The following CELA3B variants were observed in gnomAD, a reference collection of about 807,000 sequenced individuals.
CELA3B encodes chymotrypsin like elastase 3B, also known as chymotrypsin-like elastase family member 3B.
CELA3B carries 34 observed loss-of-function variants against 37.2 expected under a neutral mutation model. The observed-to-expected ratio is 0.91, with a 90% confidence interval of 0.70 to 1.22. The LOEUF (loss-of-function observed/expected upper bound fraction) is 1.22, where lower values mean the gene tolerates loss of function less well. CELA3B is among the 50% of genes most tolerant of loss of function. The pLI, the probability that CELA3B is intolerant of heterozygous loss-of-function variation, is 0.00. For synonymous variants in CELA3B, 127 were observed against 143.5 expected (o/e 0.89, Z 0.82); for missense variants, 340 against 363.1 (o/e 0.94, Z 0.52).
chr1:21,988,501 G>C (rs1644852142), intron 7 of CELA3B, among the ~76,000 whole-genome samples: 1 of 149,378 alleles, frequency 6.7e-6, no homozygotes, highest in African/African-American at 2.5e-5. Flanking sequence ...TGAGGTAGAA[G>C]AATTGCTTGA....
At chr1:21,985,436 C>T (rs1471965847) in intron 6 of CELA3B, among the ~76,000 whole-genome samples, 1 of 152,044 alleles carries the variant, frequency 6.6e-6, no homozygotes, top group Admixed American at 6.6e-5. Context: ...TGCCACAATG[C>T]CTAGCTAATT....
chr1:21,997,119 G>A (rs982096412), intron 4 of CELA3B, among the ~76,000 whole-genome samples: 1 of 150,982 alleles, frequency 6.6e-6, no homozygotes, highest in Non-Finnish European at 1.5e-5. Flanking sequence ...TGGCATTTTG[G>A]GAGGCTGAGG....
chr1:21,994,757 T>C (rs1248485685), intron 4 of CELA3B, among the ~76,000 whole-genome samples: 1 of 150,936 alleles, frequency 6.6e-6, no homozygotes, highest in Non-Finnish European at 1.5e-5. Context: ...CCCAGCACTT[T>C]GGTAGGCCGA....
chr1:21,994,492 C>A lies in CELA3B; in HGVS notation c.505-3659C>A, dbSNP rs1359663090. Among the ~76,000 whole-genome samples the A allele has an allele frequency of 4.0e-5, 6 of 150,942 alleles. 1 individual carries two copies. The highest frequency in any genetic ancestry group is 8.8e-5 in the Non-Finnish European group (6 of 67,856). On this transcript the variant is annotated intron_variant, in intron 4 of 4. Coordinates refer to the CELA3B transcript ENST00000400277. ...CTCCCTCACCGAGACAGCCAATTCC[C>A]CAGATTAAATTCCCTATACTTCAAA... is the stretch of plus-strand genomic sequence containing the variant.
At chr1:21,985,870 G>A (rs1341628983) in intron 6 of CELA3B, among the ~76,000 whole-genome samples, 3 of 151,562 alleles carry the variant, frequency 2.0e-5, no homozygotes, top group Non-Finnish European at 2.9e-5. Flanking sequence ...CAACCTGGGC[G>A]ACAGAGCGAG....
At chr1:21,986,949 G>C in intron 7 of CELA3B, 1 of 454,132 alleles carries the variant, frequency 2.2e-6, no homozygotes, top group East Asian at 4.8e-5. Flanking sequence ...CTCTGGTCTT[G>C]TCCTCTCTTG....
chr1:21,997,210 A>G (rs1644894038), intron 4 of CELA3B, among the ~76,000 whole-genome samples: 1 of 147,224 alleles, frequency 6.8e-6, no homozygotes, highest in African/African-American at 2.6e-5. Flanking sequence ...AAATACAAAA[A>G]ATTAGCCGGG....
intron 4 of CELA3B, 31 bp downstream of exon 4, chr1:21,981,203 G>A (rs1239306301): frequency 2.5e-6 from 4 of 1,607,556 alleles, no homozygotes; most frequent in Admixed American, 1.7e-5. Context: ...GGAACCCAGA[G>A]GCTCCTCTAC....
chr1:21,987,874 C>G (rs906534464), intron 7 of CELA3B: 1 of 151,562 alleles, frequency 6.6e-6, no homozygotes, highest in African/African-American at 2.4e-5. Context: ...TAGCACGGCC[C>G]CTGCGCAAGG....
downstream of CELA3B, among the ~76,000 whole-genome samples, chr1:21,992,518 T>A (rs1202833803): frequency 6.6e-6 from 1 of 151,316 alleles, no homozygotes; most frequent in African/African-American, 2.5e-5. Context: ...GGTCTTCTTA[T>A]CAGGAGAAAG....
At chr1:21,980,196 G>C (rs1206743813) in intron 2 of CELA3B, among the ~76,000 whole-genome samples, 2 of 131,984 alleles carry the variant, frequency 1.5e-5, no homozygotes, top group African/African-American at 5.6e-5. Flanking sequence ...AAGAGTCAGG[G>C]GGGCTGGGCG....
chr1:21,981,194 G>A (rs1644802367), intron 4 of CELA3B, 22 bp downstream of exon 4: 2 of 1,609,130 alleles, frequency 1.2e-6, no homozygotes, highest in African/African-American at 2.7e-5. Flanking sequence ...CTCCGGTCTG[G>A]AACCCAGAGG....
chr1:21,996,616 G>A (rs1205788734), intron 4 of CELA3B, among the ~76,000 whole-genome samples: 4 of 150,926 alleles, frequency 2.7e-5, no homozygotes, highest in Admixed American at 6.6e-5. Context: ...TTTCCTCTAC[G>A]AACTCGCCCT....
chr1:21,996,054 A>T (rs1208230632), intron 4 of CELA3B, among the ~76,000 whole-genome samples: 1 of 150,920 alleles, frequency 6.6e-6, no homozygotes, highest in Non-Finnish European at 1.5e-5. Context: ...TCTCTACACA[A>T]ATACAAAAAT....
At chr1:21,978,949 A>C (rs1050675190) in intron 2 of CELA3B, among the ~76,000 whole-genome samples, 5 of 150,786 alleles carry the variant, frequency 3.3e-5, no homozygotes, top group African/African-American at 7.3e-5. Context: ...CAGGAGGCTG[A>C]GGCAGGAGAA....
At chr1:21,978,977 G>T (rs1350066275) in intron 2 of CELA3B, among the ~76,000 whole-genome samples, 1 of 151,656 alleles carries the variant, frequency 6.6e-6, no homozygotes, top group African/African-American at 2.4e-5. Context: ...GACCCAGGAG[G>T]TGGAGGTTGC....
chr1:21,983,634 G>T (rs4468136), intron 4 of CELA3B, 60 bp from the exon 5 acceptor site: 1 of 1,589,440 alleles, frequency 6.3e-7, no homozygotes, highest in African/African-American at 1.3e-5. Context: ...AGCAACGGCT[G>T]GAAGGTAGGA....
rs144988565 is a variant in CELA3B, at chr1:21,986,590, C to T, written c.702C>T (p.Gly234=). 4.9e-4 allele frequency: 793 copies of T among 1,612,864 alleles called. No individual in the cohort carries two copies. Among genetic ancestry groups the T allele is most frequent in the South Asian group, 1.8e-3 (161 of 90,870 alleles). The stretch of plus-strand genomic sequence containing the variant: ...AGGATGGTGGCTGGCAGGTCCATGG[C>T]GTGACCAGCTTTGTTTCTGCCTTTG... ...PTEDGGWQVH[G]VTSFVSAFGC... Residue 234 remains glycine, a synonymous_variant, in exon 7 of 8, where the codon GGC becomes GGT. Coordinates refer to ENST00000337107, the MANE Select transcript of CELA3B (RefSeq NM_007352.4).
chr1:21,977,754 G>T, intron 1 of CELA3B: 1 of 303,864 alleles, frequency 3.3e-6, no homozygotes, highest in Non-Finnish European at 6.4e-6. Flanking sequence ...TGTTGAGATG[G>T]GGTCTTGCTT....
Sources: gnomAD v4.1 joint callset for allele counts (sites outside exome capture counted in the v4.1 genomes callset) on GRCh38, gnomAD v4.1.1 for gene constraint, MANE v1.5 for transcripts, NCBI Gene and HGNC (gene_info 2026-07-23, HGNC 2026-07-21) for gene names.